The following BAIAP2L2 variants were observed in gnomAD, a reference collection of about 807,000 sequenced individuals.
BAIAP2L2 encodes the protein BAR/IMD domain-containing adapter protein 2-like 2.
Under a neutral mutation model 60.4 loss-of-function variants are expected in BAIAP2L2, and 65 were observed. The ratio of observed to expected loss-of-function variants is 1.08; its 90% CI spans 0.88 to 1.32. The LOEUF (loss-of-function observed/expected upper bound fraction) is 1.32, where lower values mean the gene tolerates loss of function less well. Among genes scored for constraint, BAIAP2L2 ranks in the 40% most tolerant of loss-of-function variants. The pLI, the probability that BAIAP2L2 is intolerant of heterozygous loss-of-function variation, is 0.00. For missense variants in BAIAP2L2, 836 were observed against 741.2 expected, an observed-to-expected ratio of 1.13 and a Z score of -1.48; for synonymous variants, 344 against 301.7, an observed-to-expected ratio of 1.14 and a Z score of -1.45.
intron 13 of BAIAP2L2, 145 bp downstream of exon 13, chr22:38,085,541 G>T: frequency 8.0e-7 from 1 of 1,254,336 alleles, no homozygotes; most frequent in Admixed American, 1.8e-5. Flanking sequence ...AAGAGATAGG[G>T]TCTCACAGTG....
intron 4 of BAIAP2L2, among the ~76,000 whole-genome samples, chr22:38,100,171 G>A (rs1325462185): frequency 5.3e-5 from 8 of 152,148 alleles, no homozygotes; most frequent in Admixed American, 3.9e-4. Flanking sequence ...AGATGCTTCT[G>A]AGGGGCCGCT....
chr22:38,107,682 A>G (rs918985433), intron 4 of BAIAP2L2, among the ~76,000 whole-genome samples, 170 bp downstream of exon 4: 4 of 152,110 alleles, frequency 2.6e-5, no homozygotes, highest in African/African-American at 9.7e-5. Context: ...TAGGGCTGCT[A>G]GAGGCTTGAA....
chr22:38,110,639 C>G lies in BAIAP2L2; in HGVS notation c.-114G>C. On this transcript the variant is annotated 5_prime_UTR_variant, in exon 1 of 14. Transcript: ENST00000381669. The stretch of plus-strand genomic sequence containing the variant: ...CACGACTCAGCTGGCAGCGAGGAAG[C>G]CTCGGAGAGGGACCTGGAGATGGAG... The G allele has an allele frequency of 1.2e-6, 1 of 817,430 alleles. No homozygotes were observed. Among genetic ancestry groups the G allele is most frequent in the Non-Finnish European group, 1.9e-6 (1 of 530,022 alleles). The allele number at this position is 817,430 out of a possible 1,614,324, so 50.6% of individuals were successfully genotyped here. A position where few individuals can be genotyped will look rare whatever the true frequency, so the allele number is the denominator to read the frequency against.
chr22:38,087,898 C>CCA (rs1555962626), intron 10 of BAIAP2L2, among the ~76,000 whole-genome samples: 1 of 151,562 alleles, frequency 6.6e-6, no homozygotes, highest in Non-Finnish European at 1.5e-5. Flanking sequence ...TGACCCCCCC[C>CCA]CCGCCATTTA....
intron 7 of BAIAP2L2, among the ~76,000 whole-genome samples, chr22:38,093,418 G>GA (rs1569222452): frequency 1.3e-5 from 2 of 152,202 alleles, no homozygotes; most frequent in Non-Finnish European, 2.9e-5. Context: ...ATGCATAGGG[G>GA]AAAATCTGCC....
chr22:38,098,143 G>T lies in BAIAP2L2; in HGVS notation c.385C>A (p.Arg129=). ...RQHYELEYRH[R]AANLEKCMSE... ...ATGCACTTCTCCAGGTTGGCCGCTC[G>T]GTGGCGGTACTCGAGCTCATAGTGC... The change falls in exon 6 of 14, where the codon CGA becomes AGA. Residue 129 remains arginine, a synonymous_variant. Transcript: ENST00000381669. 1 of 1,614,132 alleles carries T rather than the reference G, an allele frequency of 6.2e-7. No individual in the cohort carries two copies. Among genetic ancestry groups the T allele is most frequent in the Non-Finnish European group, 8.5e-7 (1 of 1,180,038 alleles).
chr22:38,104,299 C>T (rs1044849821), intron 4 of BAIAP2L2, among the ~76,000 whole-genome samples: 1 of 152,116 alleles, frequency 6.6e-6, no homozygotes, highest in Non-Finnish European at 1.5e-5. Context: ...AACTCAGTAG[C>T]CCCTCTGGTC....
intron 7 of BAIAP2L2, among the ~76,000 whole-genome samples, chr22:38,092,269 T>C (rs1251957757): frequency 6.6e-6 from 1 of 152,240 alleles, no homozygotes; most frequent in Non-Finnish European, 1.5e-5. Flanking sequence ...AATCTTATTC[T>C]AAGGCTGCCT....
At chr22:38,105,244 C>T (rs755262342) in intron 4 of BAIAP2L2, among the ~76,000 whole-genome samples, 10 of 152,006 alleles carry the variant, frequency 6.6e-5, no homozygotes, top group Admixed American at 1.3e-4. Flanking sequence ...CTGCAGCCTT[C>T]GGTCTTTCCA....
intron 12 of BAIAP2L2, 91 bp from the exon 13 acceptor site, chr22:38,085,823 G>C (rs2086048239): frequency 7.9e-7 from 1 of 1,271,566 alleles, no homozygotes; most frequent in African/African-American, 1.5e-5. Context: ...CCCAAGGGCA[G>C]AGGACTGGGC....
At position 38,089,164 on chromosome 22, in the gene BAIAP2L2, T is replaced by TCGGTGC. The variant is rs2086201016; in HGVS notation, c.827_832dup (p.Gly276_Thr277dup). ...CTGGGACGCGGGCCTCGCGTCGGGC[T>TCGGTGC]CGGTGCCGTAGGAGCCGGAGCCGTG... is the stretch of plus-strand genomic sequence containing the variant. On this transcript the variant is annotated inframe_insertion, in exon 9 of 14. Coordinates refer to ENST00000381669, the MANE Select transcript of BAIAP2L2 (RefSeq NM_025045.6). The TCGGTGC allele has an allele frequency of 6.0e-6, 8 of 1,332,684 alleles. No individual in the cohort carries two copies. The highest frequency in any genetic ancestry group is 6.7e-6 in the Non-Finnish European group (7 of 1,046,470). The allele number at this position is 1,332,684 out of a possible 1,614,324, so 82.6% of individuals were successfully genotyped here.
intron 2 of BAIAP2L2, 94 bp downstream of exon 2, chr22:38,109,039 C>T: frequency 1.0e-6 from 1 of 959,026 alleles, no homozygotes; most frequent in Non-Finnish European, 1.5e-6. Context: ...TGAGGATGAA[C>T]AGGTGTGGGA....
At position 38,098,051 on chromosome 22, in the gene BAIAP2L2, C is replaced by A. The variant is rs1333899719; in HGVS notation, c.465+12G>T. ...CCCTTCCTGGCCCACCCCCGCTTCC[C>A]GGCCCTCGCACCTTCATCTCCCGCA... On this transcript the variant is annotated intron_variant, in intron 6 of 13. Coordinates refer to ENST00000381669, the MANE Select transcript of BAIAP2L2 (RefSeq NM_025045.6). 1.3e-6 allele frequency: 2 copies of A among 1,564,214 alleles called. No individual in the cohort carries two copies. The highest frequency in any genetic ancestry group is 1.1e-5 in the South Asian group (1 of 90,096).
At chr22:38,093,845 T>C (rs1351572432) in intron 7 of BAIAP2L2, 3 of 453,786 alleles carry the variant, frequency 6.6e-6, no homozygotes, top group East Asian at 7.0e-5. Context: ...TCTACTCTTA[T>C]ATACCCAAGA....
chr22:38,086,346 TGCG>T lies in BAIAP2L2; in HGVS notation c.1360_1362del (p.Arg454del), dbSNP rs762013039. On this transcript the variant is annotated inframe_deletion, in exon 12 of 14. Transcript: ENST00000381669. ...GCACGGCTTGGCACCCGGCTTGGGG[TGCG>T]GGAGCGGGACTGGCCATCCCAGTAC... 7.7e-6 allele frequency: 6 copies of T among 777,732 alleles called. No homozygotes were observed. Among genetic ancestry groups the T allele is most frequent in the Admixed American group, 3.7e-5 (1 of 26,868 alleles). The allele number at this position is 777,732 out of a possible 1,614,324, so 48.2% of individuals were successfully genotyped here. A position where few individuals can be genotyped will look rare whatever the true frequency, so the allele number is the denominator to read the frequency against.
chr22:38,109,196 G>A lies in BAIAP2L2; in HGVS notation c.64C>T (p.Gln22Ter). 2.5e-6 allele frequency: 4 copies of A among 1,611,954 alleles called. No homozygotes were observed. The highest frequency in any genetic ancestry group is 3.4e-6 in the Non-Finnish European group (4 of 1,178,502). ...TMAIYKSIME[Q>*]FNPALENLVY... ...AGGTTCTCCAGGGCGGGGTTAAACTGCTCCATGATGCTCTGGACCCCAGGG... is the reference window on the plus strand; with the variant it reads ...AGGTTCTCCAGGGCGGGGTTAAACTACTCCATGATGCTCTGGACCCCAGGG... The change falls in exon 2 of 14, where the codon CAG becomes TAG. Residue 22 changes from glutamine (Q) to a stop codon, truncating the protein, a stop_gained. Transcript: ENST00000381669. LOFTEE classifies it high-confidence loss of function.
rs1569230070 is a variant in BAIAP2L2, at chr22:38,105,339, C to CTTTTTGT, written c.276+2512_276+2513insACAAAAA. On this transcript the variant is annotated intron_variant, in intron 4 of 13. Transcript: ENST00000381669. ...TACCTCCTTCAGCCCTTTTTCTTTTCTTTTTTTTTTTTTTTTTTTTGAGAC... is the reference window on the plus strand; with the variant it reads ...TACCTCCTTCAGCCCTTTTTCTTTTCTTTTTGTTTTTTTTTTTTTTTTTTTTTGAGAC... Among the ~76,000 whole-genome samples the CTTTTTGT allele has an allele frequency of 3.2e-5, 3 of 94,966 alleles. 1 individual carries two copies. Among genetic ancestry groups the CTTTTTGT allele is most frequent in the Non-Finnish European group, 4.6e-5 (2 of 43,468 alleles). The allele number at this position is 94,966 out of a possible 152,430, so 62.3% of individuals were successfully genotyped here.
In BAIAP2L2 at chr22:38,107,840, C is replaced by A; in HGVS notation, c.276+12G>T. The A allele has an allele frequency of 6.2e-7, 1 of 1,612,574 alleles. No homozygotes were observed. Among genetic ancestry groups the A allele is most frequent in the Non-Finnish European group, 8.5e-7 (1 of 1,179,436 alleles). On this transcript the variant is annotated intron_variant, in intron 4 of 13. Coordinates refer to ENST00000381669, the MANE Select transcript of BAIAP2L2 (RefSeq NM_025045.6). ...CGAGTGACCCCTCCAGGCCCTGGGGCCTGATACTCACCACCACCTCCAGGT... is the reference window on the plus strand; with the variant it reads ...CGAGTGACCCCTCCAGGCCCTGGGGACTGATACTCACCACCACCTCCAGGT...
At chr22:38,110,368 TC>T in intron 1 of BAIAP2L2, 106 bp downstream of exon 1, 1 of 1,196,664 alleles carries the variant, frequency 8.4e-7, no homozygotes, top group Non-Finnish European at 1.2e-6. Flanking sequence ...GGCTTCCCTT[TC>T]CAGGACATCT....
Sources: gnomAD v4.1 joint callset for allele counts (sites outside exome capture counted in the v4.1 genomes callset) on GRCh38, gnomAD v4.1.1 for gene constraint, MANE v1.5 for transcripts, NCBI Gene and HGNC (gene_info 2026-07-23, HGNC 2026-07-21) for gene names.